Variants in USP25 observed in about 807,000 individuals in gnomAD.
USP25 encodes ubiquitin specific peptidase 25, also known as ubiquitin carboxyl-terminal hydrolase 25.
Under a neutral mutation model 158.5 loss-of-function variants are expected in USP25, and 85 were observed. The ratio of observed to expected loss-of-function variants is 0.54; its 90% CI spans 0.45 to 0.64. The LOEUF is 0.64. Ranked by LOEUF, USP25 falls within the 30% of genes least tolerant of loss-of-function variation. USP25 has a pLI of 0.00. For synonymous variants in USP25, 464 were observed against 460.4 expected, an observed-to-expected ratio of 1.01 and a Z score of -0.10; for missense variants, 1,242 against 1,327.3, an observed-to-expected ratio of 0.94 and a Z score of 1.00.
At chr21:15,768,095 A>T (rs2034146221) in intron 3 of USP25, among the ~76,000 whole-genome samples, 1 of 152,074 alleles carries the variant, frequency 6.6e-6, no homozygotes, top group Non-Finnish European at 1.5e-5. Context: ...TTCACGAGGT[A>T]ATTTTATTTT....
chr21:15,787,478 G>GT (rs1028014251), intron 4 of USP25, among the ~76,000 whole-genome samples: 1 of 151,850 alleles, frequency 6.6e-6, no homozygotes, highest in African/African-American at 2.4e-5. Context: ...GACAAAAACT[G>GT]TTAACTGGAG....
intron 2 of USP25, among the ~76,000 whole-genome samples, chr21:15,764,125 G>A (rs892812117): frequency 6.6e-6 from 1 of 152,070 alleles, no homozygotes; most frequent in African/African-American, 2.4e-5. Flanking sequence ...GTAAGTATTT[G>A]GAGAGGAAGC....
intron 3 of USP25, among the ~76,000 whole-genome samples, chr21:15,775,739 A>ACCCCCCCCCCC (rs57912569): frequency 4.0e-3 from 56 of 14,048 alleles, no homozygotes; most frequent in African/African-American, 4.3e-3. Flanking sequence ...AATGGTTGCC[A>ACCCCCCCCCCC]CCCCCCCCCC....
At chr21:15,856,022 A>AT (rs2039120484) in intron 20 of USP25, among the ~76,000 whole-genome samples, 1 of 152,184 alleles carries the variant, frequency 6.6e-6, no homozygotes, top group South Asian at 2.1e-4. Flanking sequence ...TTGTATGACT[A>AT]TAATTTTTTT....
intron 9 of USP25, among the ~76,000 whole-genome samples, chr21:15,814,861 G>T (rs535926833): frequency 1.3e-5 from 2 of 152,148 alleles, no homozygotes; most frequent in Non-Finnish European, 2.9e-5. Flanking sequence ...TCAAGTCGTG[G>T]CTGCAGAAAT....
intron 9 of USP25, among the ~76,000 whole-genome samples, chr21:15,814,085 C>T (rs1234411408): frequency 6.7e-6 from 1 of 150,318 alleles, no homozygotes; most frequent in African/African-American, 2.4e-5. Flanking sequence ...GCACTTCTTC[C>T]ATGGCGGCGA....
In USP25 at chr21:15,730,429, G is replaced by A. The variant is rs2030683885; in HGVS notation, c.36G>A (p.Ala12=). 1 of 1,364,510 alleles carries A rather than the reference G, an allele frequency of 7.3e-7. No individual in the cohort carries two copies. Among genetic ancestry groups the A allele is most frequent in the South Asian group, 1.7e-5 (1 of 57,436 alleles). The allele number at this position is 1,364,510 out of a possible 1,614,324, so 84.5% of individuals were successfully genotyped here. ...TVEQNVLQQS[A]AQKHQQTFLN... is the part of the protein sequence containing the mutation. ...AGCAGAACGTGCTGCAGCAGAGCGC[G>A]GCGCAGAAGGTGAGGCGAGTCCGCC... is the stretch of plus-strand genomic sequence containing the variant. Residue 12 remains alanine, a synonymous_variant, in exon 1 of 26, where the codon GCG becomes GCA. Transcript: ENST00000400183.
intron 7 of USP25, among the ~76,000 whole-genome samples, chr21:15,805,829 TG>T (rs2036357112): frequency 6.6e-6 from 1 of 152,070 alleles, no homozygotes; most frequent in Non-Finnish European, 1.5e-5. Flanking sequence ...AAAAATACAG[TG>T]GCAAAGAATA....
intron 1 of USP25, among the ~76,000 whole-genome samples, chr21:15,731,501 G>T (rs913222486): frequency 2.0e-5 from 3 of 152,130 alleles, no homozygotes; most frequent in Non-Finnish European, 4.4e-5. Flanking sequence ...TTTAGAATAA[G>T]ACCTGTTCTA....
chr21:15,845,260 G>A (rs919194256), intron 18 of USP25, among the ~76,000 whole-genome samples: 7 of 151,910 alleles, frequency 4.6e-5, no homozygotes, highest in South Asian at 2.1e-4. Context: ...AAAAATCTTC[G>A]TATTTTAATT....
intron 5 of USP25, among the ~76,000 whole-genome samples, chr21:15,793,156 A>G (rs2035681987): frequency 1.3e-5 from 2 of 151,696 alleles, no homozygotes; most frequent in Admixed American, 1.3e-4. Context: ...ATGCTATCTC[A>G]GCACTATTAT....
At chr21:15,829,354 A>T (rs1025694500) in intron 14 of USP25, among the ~76,000 whole-genome samples, 1 of 152,040 alleles carries the variant, frequency 6.6e-6, no homozygotes, top group Non-Finnish European at 1.5e-5. Context: ...TTGTTTCCTT[A>T]TGTCCACCAT....
chr21:15,800,434 C>T (rs1169613441), intron 6 of USP25, among the ~76,000 whole-genome samples: 1 of 150,606 alleles, frequency 6.6e-6, no homozygotes, highest in Non-Finnish European at 1.5e-5. Context: ...CATAGAGTTG[C>T]TGTGAGCATT....
rs113344981 is a variant in USP25 at position 15,791,601 on chromosome 21, G to C, written c.492G>C (p.Gln164His). Residue 164 changes from glutamine to histidine, a missense_variant, in exon 5 of 26, where the codon CAG becomes CAC. Physicochemically the swap from Gln to His is conservative, Grantham distance 24 (BLOSUM62 0). This residue lies in a region of USP25 where 627 missense variants were observed against 701.4 expected (regional missense o/e 0.89). Transcript: ENST00000400183. ...GAAACCCTTATGATAGAAAAAGACA[G>C]GACAAAGCTCCCGTTGGGCTAAAGA... is the stretch of plus-strand genomic sequence containing the variant. Reference protein sequence around the residue: ...DSRNPYDRKRQDKAPVGLKNV... With the variant: ...DSRNPYDRKRHDKAPVGLKNV... 16 of 1,611,610 alleles carry C rather than the reference G, an allele frequency of 9.9e-6. No homozygotes were observed. Among genetic ancestry groups the C allele is most frequent in the African/African-American group, 1.3e-5 (1 of 74,832 alleles).
rs118168967 is a variant in USP25 at position 15,840,658 on chromosome 21, T to C, written c.2195-1740T>C. Among the ~76,000 whole-genome samples the C allele has an allele frequency of 1.5e-3, 234 of 152,260 alleles. 1 individual carries two copies. Among genetic ancestry groups the C allele is most frequent in the Non-Finnish European group, 2.7e-3 (182 of 68,010 alleles). ...TAACGTTTTTGTACTCAAACTCCTT[T>C]ATGGAAGGAAACCTTGGCCCTGGTG... On this transcript the variant is annotated intron_variant, in intron 17 of 25. Transcript: ENST00000400183.
intron 3 of USP25, among the ~76,000 whole-genome samples, chr21:15,767,310 C>A (rs1434910469): frequency 1.3e-5 from 2 of 152,028 alleles, no homozygotes; most frequent in Non-Finnish European, 2.9e-5. Context: ...GCCTTTTCCT[C>A]CCTAGCCTAA....
chr21:15,829,639 A>G (rs1287375169), intron 14 of USP25, among the ~76,000 whole-genome samples: 1 of 152,110 alleles, frequency 6.6e-6, no homozygotes, highest in Non-Finnish European at 1.5e-5. Context: ...GTATTGAGCT[A>G]TTTGTATTTT....
chr21:15,791,244 T>G (rs1156938862), intron 4 of USP25, among the ~76,000 whole-genome samples: 1 of 151,916 alleles, frequency 6.6e-6, no homozygotes, highest in Non-Finnish European at 1.5e-5. Context: ...TGTTGAAATG[T>G]GATTTATTGT....
chr21:15,858,939 G>A (rs1376508241), intron 20 of USP25, among the ~76,000 whole-genome samples: 1 of 151,532 alleles, frequency 6.6e-6, no homozygotes, highest in Non-Finnish European at 1.5e-5. Context: ...CTTAATAATT[G>A]TAAAGGTGTT....
Sources: allele counts gnomAD v4.1 joint callset (sites outside exome capture counted in the v4.1 genomes callset), GRCh38; gene constraint gnomAD v4.1.1; regional missense constraint gnomAD v4.1.1; transcripts MANE v1.5; gene names NCBI Gene and HGNC (gene_info 2026-07-23, HGNC 2026-07-21).